Variants in SLC25A47 observed in about 807,000 individuals in gnomAD.
SLC25A47 encodes the protein solute carrier family 25 member 47.
In SLC25A47, 30 loss-of-function variants were observed where a neutral mutation model predicts 29.8. That is an observed-to-expected ratio of 1.01 (90% CI 0.75 to 1.36). The LOEUF (loss-of-function observed/expected upper bound fraction) is 1.36, where lower values mean the gene tolerates loss of function less well. Ranked by LOEUF, SLC25A47 falls within the 40% of genes most tolerant of loss-of-function variation. The pLI, the probability that SLC25A47 is intolerant of heterozygous loss-of-function variation, is 0.00. For synonymous variants in SLC25A47, 204 were observed against 197.8 expected (o/e 1.03, Z -0.26); for missense variants, 430 against 441.9 (o/e 0.97, Z 0.24).
chr14:100,328,644 C>G (rs886968337), intron 4 of SLC25A47, 82 bp from the exon 5 acceptor site: 1 of 1,427,706 alleles, frequency 7.0e-7, no homozygotes, highest in Non-Finnish European at 9.9e-7. Flanking sequence ...TCACCGTGAG[C>G]AACATGAGGC....
chr14:100,324,063 G>A (rs1431080475), intron 1 of SLC25A47, among the ~76,000 whole-genome samples: 3 of 152,106 alleles, frequency 2.0e-5, no homozygotes, highest in East Asian at 3.9e-4. Flanking sequence ...GCTCCATCCC[G>A]TGGGCTGTGG....
At position 100,329,330 on chromosome 14, in the gene SLC25A47, A is replaced by G. The variant is rs756938618; in HGVS notation, c.647-35A>G. ...GTGCGCTGCCCTGGGCGCCCCGATCAGGCTCCCAGTCAAGGCACTGTGGTC... is the reference window on the plus strand; with the variant it reads ...GTGCGCTGCCCTGGGCGCCCCGATCGGGCTCCCAGTCAAGGCACTGTGGTC... On this transcript the variant is annotated intron_variant, in intron 5 of 5. Coordinates refer to ENST00000361529, the MANE Select transcript of SLC25A47 (RefSeq NM_207117.4). 2.6e-6 allele frequency: 4 copies of G among 1,554,208 alleles called. No homozygotes were observed. The East Asian group carries it at 9.0e-5, about 35-fold the overall frequency.
Position 100,329,873 on chromosome 14 carries a change from C to T in SLC25A47, c.*228C>T. On this transcript the variant is annotated 3_prime_UTR_variant, in exon 6 of 6. Transcript: ENST00000361529. ...ATCAGCCAGGGTTGGCCTAGGGTGG[C>T]AGGAGCCAGGGAGGAGTGGGCCTCT... 1 of 606,662 alleles carries T rather than the reference C, an allele frequency of 1.6e-6. No individual in the cohort carries two copies. The highest frequency in any genetic ancestry group is 2.8e-5 in the East Asian group (1 of 35,106). The allele number at this position is 606,662 out of a possible 1,614,324, so 37.6% of individuals were successfully genotyped here. A position where few individuals can be genotyped will look rare whatever the true frequency, so the allele number is the denominator to read the frequency against.
At position 100,327,267 on chromosome 14, in the gene SLC25A47, G is replaced by A. The variant is rs763585363; in HGVS notation, c.224G>A (p.Arg75His). The change falls in exon 4 of 6, where the codon CGC becomes CAC. Residue 75 changes from arginine (R) to histidine (H), a missense_variant. By Grantham distance (29) the Arg-to-His change is conservative. Transcript: ENST00000361529. ...TCTTCCGTGTCTTTTGGCACCTACC[G>A]CCACTGCCTGGCGCACATCTGCCGG... The part of the protein sequence containing the change: ...LVSSVSFGTY[R>H]HCLAHICRLR... 5.6e-6 allele frequency: 9 copies of A among 1,607,648 alleles called. 1 individual carries two copies. The highest frequency in any genetic ancestry group is 5.5e-5 in the South Asian group (5 of 91,080).
rs936840755 is a variant in SLC25A47 at position 100,327,107 on chromosome 14, G to A, written c.145-81G>A. ...TTCCCGAGGTCCGACAGCGGAGTGC[G>A]GAGCAGGGCTGAGTGTGGGCTCCCT... On this transcript the variant is annotated intron_variant, in intron 3 of 5. Coordinates refer to ENST00000361529, the MANE Select transcript of SLC25A47 (RefSeq NM_207117.4). 5.0e-5 allele frequency: 69 copies of A among 1,373,112 alleles called. No homozygotes were observed. In the South Asian group the frequency reaches 6.4e-4, roughly 13 times the overall value. 85.1% of individuals were successfully genotyped at this position (1,373,112 alleles called of 1,614,324 possible).
chr14:100,323,376 A>G lies in SLC25A47; in HGVS notation c.-39A>G, dbSNP rs977339625. 6.2e-7 allele frequency: 1 copy of G among 1,611,720 alleles called. No homozygotes were observed. The highest frequency in any genetic ancestry group is 8.5e-7 in the Non-Finnish European group (1 of 1,179,388). ...ACCCTGGTGGCACCAAAGCCCTCTC[A>G]GGCAGGCAGACCCAGGGCCTCCCCG... is the stretch of plus-strand genomic sequence containing the variant. On this transcript the variant is annotated 5_prime_UTR_variant, in exon 1 of 6. Transcript: ENST00000361529.
At chr14:100,323,978 G>A (rs1203277077) in intron 1 of SLC25A47, among the ~76,000 whole-genome samples, 1 of 152,154 alleles carries the variant, frequency 6.6e-6, no homozygotes, top group Admixed American at 6.5e-5. Context: ...TGGAGAAACC[G>A]TTCTCCCTCC....
Position 100,329,387 on chromosome 14 carries a change from CG to C in SLC25A47, c.674del (p.Gly225AlafsTer16), listed in dbSNP as rs1387539501. Reference sequence around the variant, plus strand: ...CAGATGTCCCGGGCGTGCTGGTGGCCGGGGGCTGTGCAGGAGTCCTGGCCTG... The same window carrying C: ...CAGATGTCCCGGGCGTGCTGGTGGCCGGGGCTGTGCAGGAGTCCTGGCCTG... ...RPDVPGVLVA[G>X]GCAGVLAWAV... On this transcript the variant is annotated frameshift_variant, in exon 6 of 6. Coordinates refer to ENST00000361529, the MANE Select transcript of SLC25A47 (RefSeq NM_207117.4). LOFTEE classifies it high-confidence loss of function. 6 of 1,606,872 alleles carry C rather than the reference CG, an allele frequency of 3.7e-6. No homozygotes were observed. Among genetic ancestry groups the C allele is most frequent in the Admixed American group, 1.7e-5 (1 of 59,596 alleles).
chr14:100,325,720 C>T (rs1252667382), intron 1 of SLC25A47, 68 bp from the exon 2 acceptor site: 3 of 1,530,266 alleles, frequency 2.0e-6, no homozygotes, highest in Non-Finnish European at 2.7e-6. Flanking sequence ...GCTTCTGCTT[C>T]CCTGCAATGG....
chr14:100,326,156 G>A lies in SLC25A47; in HGVS notation c.73-1G>A, dbSNP rs764130342. The A allele has an allele frequency of 1.9e-6, 3 of 1,613,306 alleles. No individual in the cohort carries two copies. In the South Asian group the frequency reaches 3.3e-5, roughly 18 times the overall value. On this transcript the variant is annotated splice_acceptor_variant, in intron 2 of 5. Coordinates refer to ENST00000361529, the MANE Select transcript of SLC25A47 (RefSeq NM_207117.4). LOFTEE classifies it high-confidence loss of function. The stretch of plus-strand genomic sequence containing the variant: ...GTGCCTGAAGCCCACTTCTCCTGCA[G>A]GTCAGGATCCAGACGGAGCCAAAGT...
chr14:100,324,823 C>G (rs1443951778), intron 1 of SLC25A47, among the ~76,000 whole-genome samples: 1 of 152,156 alleles, frequency 6.6e-6, no homozygotes, highest in African/African-American at 2.4e-5. Context: ...GTTCCAGGCA[C>G]AGAGGCAGCC....
chr14:100,328,134 CAG>C (rs1197494678), intron 4 of SLC25A47, among the ~76,000 whole-genome samples: 26 of 129,266 alleles, frequency 2.0e-4, no homozygotes, highest in African/African-American at 7.6e-4. Flanking sequence ...TTTTTTGAGA[CAG>C]AGTCTTGCTC....
At chr14:100,329,335 C>A (rs1292689441) in intron 5 of SLC25A47, 30 bp from the exon 6 acceptor site, 1 of 1,560,856 alleles carries the variant, frequency 6.4e-7, no homozygotes. Context: ...CGATCAGGCT[C>A]CCAGTCAAGG....
In SLC25A47 at chr14:100,325,836, G is replaced by A. The variant is rs141181499; in HGVS notation, c.72+5G>A. On this transcript the variant is annotated splice_donor_5th_base_variant and intron_variant, in intron 2 of 5. Coordinates refer to ENST00000361529, the MANE Select transcript of SLC25A47 (RefSeq NM_207117.4). ...TACCCCCTGGACACGGTGAAGGTGC[G>A]GCAATAGCCAGCCCCCCAACCATCC... 6.5e-5 allele frequency: 105 copies of A among 1,611,330 alleles called. 1 individual carries two copies. The highest frequency in any genetic ancestry group is 8.9e-5 in the South Asian group (8 of 90,366).
rs751756847 is a variant in SLC25A47 at position 100,326,166 on chromosome 14, C to T, written c.82C>T (p.Gln28Ter). 6.2e-7 allele frequency: 1 copy of T among 1,613,590 alleles called. No individual in the cohort carries two copies. Among genetic ancestry groups the T allele is most frequent in the East Asian group, 2.2e-5 (1 of 44,880 alleles). Reference sequence around the variant, plus strand: ...CCCACTTCTCCTGCAGGTCAGGATCCAGACGGAGCCAAAGTACACAGGCAT... The same window carrying T: ...CCCACTTCTCCTGCAGGTCAGGATCTAGACGGAGCCAAAGTACACAGGCAT... ...YPLDTVKVRI[Q>*]TEPKYTGIWH... The change falls in exon 3 of 6, where the codon CAG becomes TAG. Residue 28 changes from glutamine to a stop codon, truncating the protein, a stop_gained. Transcript: ENST00000361529. LOFTEE classifies it high-confidence loss of function.
chr14:100,329,372 G>T lies in SLC25A47; in HGVS notation c.654G>T (p.Pro218=), dbSNP rs767861566. 1 of 1,601,322 alleles carries T rather than the reference G, an allele frequency of 6.2e-7. No individual in the cohort carries two copies. Among genetic ancestry groups the T allele is most frequent in the Non-Finnish European group, 8.5e-7 (1 of 1,173,936 alleles). The part of the protein sequence containing the change: ...SPAGHSRPDV[P]GVLVAGGCAG... ...ACTGTGGTCTCTCTGCAGATGTCCC[G>T]GGCGTGCTGGTGGCCGGGGGCTGTG... The change falls in exon 6 of 6, where the codon CCG becomes CCT. Residue 218 remains proline (P), a synonymous_variant. Coordinates refer to ENST00000361529, the MANE Select transcript of SLC25A47 (RefSeq NM_207117.4).
intron 3 of SLC25A47, among the ~76,000 whole-genome samples, chr14:100,326,802 C>T (rs368613617): frequency 2.0e-5 from 3 of 152,148 alleles, no homozygotes; most frequent in African/African-American, 7.2e-5. Context: ...GGTGAAACCC[C>T]GTCTCTACTA....
chr14:100,326,175 C>G lies in SLC25A47; in HGVS notation c.91C>G (p.Pro31Ala). ...CCTGCAGGTCAGGATCCAGACGGAG[C>G]CAAAGTACACAGGCATCTGGCACTG... The part of the protein sequence containing the change: ...DTVKVRIQTE[P>A]KYTGIWHCVR... Residue 31 changes from proline (P) to alanine (A), a missense_variant, in exon 3 of 6, where the codon CCA becomes GCA. Transcript: ENST00000361529. The G allele has an allele frequency of 4.3e-6, 7 of 1,613,744 alleles. No individual in the cohort carries two copies. Among genetic ancestry groups the G allele is most frequent in the Non-Finnish European group, 5.9e-6 (7 of 1,179,928 alleles).
rs1035946297 is a variant in SLC25A47, at chr14:100,329,425, C to T, written c.707C>T (p.Thr236Ile). ...GGAGTCCTGGCCTGGGCTGTGGCCA[C>T]CCCCATGGACGTGATCAAGTCGAGA... ...CAGVLAWAVA[T>I]PMDVIKSRLQ... Residue 236 changes from threonine (T) to isoleucine (I), a missense_variant, in exon 6 of 6, where the codon ACC (threonine) becomes ATC (isoleucine). By Grantham distance (89) the Thr-to-Ile change is moderately conservative. Transcript: ENST00000361529. 1.2e-6 allele frequency: 2 copies of T among 1,613,076 alleles called. No individual in the cohort carries two copies. The highest frequency in any genetic ancestry group is 1.7e-6 in the Non-Finnish European group (2 of 1,179,952).
Sources: gnomAD v4.1 joint callset for allele counts (sites outside exome capture counted in the v4.1 genomes callset) on GRCh38, gnomAD v4.1.1 for gene constraint, MANE v1.5 for transcripts, NCBI Gene and HGNC (gene_info 2026-07-23, HGNC 2026-07-21) for gene names.